Variants in ANK3 observed in about 807,000 individuals in gnomAD.
ANK3 encodes ankyrin-3.
ANK3 carries 57 observed loss-of-function variants against 370.9 expected under a neutral mutation model. The observed-to-expected ratio is 0.15, with a 90% confidence interval of 0.12 to 0.19. ANK3 has a LOEUF of 0.19. Among genes scored for constraint, ANK3 ranks in the 10% least tolerant of loss-of-function variants. The probability of loss-of-function intolerance (pLI) is 1.00; values close to 1 mark genes in which losing one functional copy is unlikely to be tolerated. For missense variants in ANK3, 4,439 were observed against 5,302.1 expected (o/e 0.84, Z 5.06); for synonymous variants, 1,929 against 1,946.3 (o/e 0.99, Z 0.23).
rs1420236634 is a variant in ANK3, at chr10:60,075,163, A to G, written c.5718T>C (p.Ala1906=). ...SSSQEILKDV[A]EMKEDLMRMT... is the part of the protein sequence containing the mutation. ...TCCGCATTAGGTCCTCTTTCATTTC[A>G]GCTACATCTTTTAGTATCTCCTGAC... Residue 1906 remains alanine, a synonymous_variant, in exon 37 of 44, where the codon GCT becomes GCC. Coordinates refer to ENST00000280772, the MANE Select transcript of ANK3 (RefSeq NM_020987.5). 2 of 1,614,134 alleles carry G rather than the reference A, an allele frequency of 1.2e-6. No individual in the cohort carries two copies.
intron 1 of ANK3, among the ~76,000 whole-genome samples, chr10:60,673,458 C>A (rs2079086719): frequency 6.6e-6 from 1 of 152,118 alleles, no homozygotes; most frequent in Non-Finnish European, 1.5e-5. Flanking sequence ...TCAAACTATT[C>A]TCCTGCCTCA....
Position 60,474,837 on chromosome 10 carries a change from A to T in ANK3, c.96+140349T>A, listed in dbSNP as rs1001289424. On this transcript the variant is annotated intron_variant, in intron 2 of 43. Transcript: ENST00000373827. ...CAGAAAAAAGTATAGAAGAATATAT[A>T]CTACTATGTGATTAGTAGTTATTTC... 3.3e-5 allele frequency among the ~76,000 whole-genome samples: 5 copies of T among 152,296 alleles called. No individual in the cohort carries two copies. The South Asian group carries it at 1.0e-3, about 32-fold the overall frequency.
intron 2 of ANK3, among the ~76,000 whole-genome samples, chr10:60,577,004 A>G (rs1370206303): frequency 6.6e-6 from 1 of 152,222 alleles, no homozygotes; most frequent in Non-Finnish European, 1.5e-5. Flanking sequence ...TGTCCTTAAT[A>G]GTTATGTATT....
At chr10:60,394,630 A>T (rs2063178830), upstream of ANK3, among the ~76,000 whole-genome samples, 3 of 152,170 alleles carry the variant, frequency 2.0e-5, no homozygotes, top group South Asian at 6.2e-4. Flanking sequence ...GCCTGCAGAG[A>T]GGAGGAGATC....
chr10:60,118,534 T>TA (rs1395989119), intron 25 of ANK3, among the ~76,000 whole-genome samples: 2 of 151,486 alleles, frequency 1.3e-5, no homozygotes, highest in Non-Finnish European at 3.0e-5. Flanking sequence ...ATTAACCAAA[T>TA]ATGAGGTGTT....
intron 1 of ANK3, among the ~76,000 whole-genome samples, chr10:60,720,294 T>G (rs1046061311): frequency 2.0e-5 from 3 of 152,196 alleles, no homozygotes; most frequent in Admixed American, 6.5e-5. Context: ...TCACATTTAA[T>G]TCTCTCAACA....
At chr10:60,369,578 C>A (rs969559665) in intron 1 of ANK3, among the ~76,000 whole-genome samples, 1 of 152,134 alleles carries the variant, frequency 6.6e-6, no homozygotes, top group African/African-American at 2.4e-5. Flanking sequence ...AACACAGATA[C>A]AACAAGACAC....
At chr10:60,436,115 A>T (rs1185044514) in intron 2 of ANK3, among the ~76,000 whole-genome samples, 1 of 151,700 alleles carries the variant, frequency 6.6e-6, no homozygotes. Context: ...ATAAATAAAA[A>T]AAATAAAGTC....
intron 43 of ANK3, 37 bp downstream of exon 43, chr10:60,042,634 AT>A: frequency 6.4e-7 from 1 of 1,566,352 alleles, no homozygotes; most frequent in Non-Finnish European, 8.7e-7. Flanking sequence ...TTTCACAGGA[AT>A]TTAAGTCCTA....
intron 2 of ANK3, among the ~76,000 whole-genome samples, chr10:60,427,717 T>C (rs967085761): frequency 6.6e-6 from 1 of 152,114 alleles, no homozygotes; most frequent in Non-Finnish European, 1.5e-5. Context: ...TTTTTGAAAA[T>C]ATAGGTGGGT....
chr10:60,132,981 G>A (rs1362071476), intron 25 of ANK3, among the ~76,000 whole-genome samples: 1 of 152,058 alleles, frequency 6.6e-6, no homozygotes, highest in Non-Finnish European at 1.5e-5. Flanking sequence ...ATTCACCTCT[G>A]TAAGGCCTGC....
At chr10:60,101,645 C>T (rs1215304269) in intron 28 of ANK3, among the ~76,000 whole-genome samples, 1 of 152,160 alleles carries the variant, frequency 6.6e-6, no homozygotes, top group African/African-American at 2.4e-5. Flanking sequence ...GTTCTTCACA[C>T]CCAGACCAAC....
At chr10:60,439,111 G>A (rs1192023153) in intron 2 of ANK3, among the ~76,000 whole-genome samples, 1 of 152,060 alleles carries the variant, frequency 6.6e-6, no homozygotes, top group Non-Finnish European at 1.5e-5. Flanking sequence ...TGCAGGCAAC[G>A]TTTGTACTGT....
chr10:60,664,205 A>G (rs1490292449), intron 1 of ANK3, among the ~76,000 whole-genome samples: 1 of 152,228 alleles, frequency 6.6e-6, no homozygotes, highest in African/African-American at 2.4e-5. Context: ...CGGATGAATA[A>G]AGAAGAAGAA....
chr10:60,382,629 C>T (rs1366861745), intron 1 of ANK3, among the ~76,000 whole-genome samples: 1 of 152,010 alleles, frequency 6.6e-6, no homozygotes, highest in Non-Finnish European at 1.5e-5. Flanking sequence ...CTCTGGTTTG[C>T]TTTTAACTCT....
At chr10:60,239,807 A>G (rs2097397643) in intron 7 of ANK3, among the ~76,000 whole-genome samples, 1 of 152,102 alleles carries the variant, frequency 6.6e-6, no homozygotes, top group Non-Finnish European at 1.5e-5. Flanking sequence ...CAACAACCAC[A>G]CATAGATGAA....
chr10:60,489,198 G>C lies in ANK3; in HGVS notation c.96+125988C>G, dbSNP rs78930819. Among the ~76,000 whole-genome samples the C allele has an allele frequency of 7.6e-4, 115 of 152,256 alleles. No homozygotes were observed. In the East Asian group the frequency reaches 0.021, roughly 28 times the overall value. ...CAAAATATACATGTGCAGTTACCCT[G>C]TGCCAAGATAGCTTCTCCAATGCAC... On this transcript the variant is annotated intron_variant, in intron 2 of 43. Coordinates refer to the ANK3 transcript ENST00000373827.
chr10:60,340,172 G>A (rs2053928596), intron 1 of ANK3, among the ~76,000 whole-genome samples: 2 of 152,166 alleles, frequency 1.3e-5, no homozygotes, highest in African/African-American at 2.4e-5. Flanking sequence ...TGAGGGTGAG[G>A]CCCAGTAACC....
chr10:60,370,550 A>G (rs984109997), intron 1 of ANK3, among the ~76,000 whole-genome samples: 14 of 152,234 alleles, frequency 9.2e-5, no homozygotes, highest in African/African-American at 3.4e-4. Flanking sequence ...CATGAATCCA[A>G]CAAATACTTA....
Sources: allele counts gnomAD v4.1 joint callset (sites outside exome capture counted in the v4.1 genomes callset), GRCh38; gene constraint gnomAD v4.1.1; transcripts MANE v1.5; gene names NCBI Gene and HGNC (gene_info 2026-07-23, HGNC 2026-07-21).